Variants in SCN8A observed in about 807,000 individuals in gnomAD.
The protein encoded by SCN8A is sodium channel protein type 8 subunit alpha.
Under a neutral mutation model 184.1 loss-of-function variants are expected in SCN8A, and 30 were observed. The ratio of observed to expected loss-of-function variants is 0.16; its 90% CI spans 0.12 to 0.22. SCN8A has a LOEUF of 0.22. SCN8A is among the 10% of genes least tolerant of loss of function. The pLI is 1.00. For missense variants in SCN8A, 1,057 were observed against 2,498.9 expected (o/e 0.42, Z 12.30); for synonymous variants, 852 against 907.0 (o/e 0.94, Z 1.09).
At chr12:51,653,619 G>A (rs1476901164) in intron 1 of SCN8A, among the ~76,000 whole-genome samples, 1 of 152,144 alleles carries the variant, frequency 6.6e-6, no homozygotes, top group Non-Finnish European at 1.5e-5. Flanking sequence ...CCTTTTGGCA[G>A]TTGTGACTAA....
At position 51,721,108 on chromosome 12, in the gene SCN8A, ATATTTATTTATTGTTATATATAT is replaced by A. The variant is rs1156368649; in HGVS notation, c.1636-437_1636-415del. On this transcript the variant is annotated intron_variant, in intron 11 of 26. Coordinates refer to ENST00000627620, the MANE Select transcript of SCN8A (RefSeq NM_001330260.2). ...ATATATATATATATATATATATATA[ATATTTATTTATTGTTATATATAT>A]AATATTTATTTATTGTTATATATAT... Among the ~76,000 whole-genome samples the A allele has an allele frequency of 2.2e-3, 223 of 103,018 alleles. 1 individual carries two copies. The highest frequency in any genetic ancestry group is 5.7e-3 in the African/African-American group (125 of 21,902). The allele number at this position is 103,018 out of a possible 152,430, so 67.6% of individuals were successfully genotyped here.
Position 51,662,806 on chromosome 12 carries a change from C to G in SCN8A, c.-12C>G. On this transcript the variant is annotated 5_prime_UTR_variant, in exon 2 of 27. Coordinates refer to ENST00000627620, the MANE Select transcript of SCN8A (RefSeq NM_001330260.2). ...CGCAGCATAACTAACGAAGCTGCTG[C>G]AGGATGAGAAGATGGCAGCGCGGCT... 6.2e-7 allele frequency: 1 copy of G among 1,612,274 alleles called. No homozygotes were observed.
At chr12:51,752,809 T>C (rs1942616544) in intron 14 of SCN8A, among the ~76,000 whole-genome samples, 1 of 152,214 alleles carries the variant, frequency 6.6e-6, no homozygotes, top group South Asian at 2.1e-4. Context: ...TTTAACCCTG[T>C]CAACAATATC....
At chr12:51,623,797 A>G (rs1940016504) in intron 1 of SCN8A, among the ~76,000 whole-genome samples, 1 of 151,880 alleles carries the variant, frequency 6.6e-6, no homozygotes, top group Non-Finnish European at 1.5e-5. Flanking sequence ...CCGGTGTGTG[A>G]TGTTCCCCTT....
At chr12:51,739,742 C>T (rs1457555122) in intron 12 of SCN8A, among the ~76,000 whole-genome samples, 6 of 152,090 alleles carry the variant, frequency 3.9e-5, no homozygotes, top group African/African-American at 7.2e-5. Flanking sequence ...TGAGCCCCCA[C>T]GAATGGACGC....
chr12:51,755,875 C>T (rs1306671359), intron 14 of SCN8A, among the ~76,000 whole-genome samples: 1 of 152,128 alleles, frequency 6.6e-6, no homozygotes, highest in African/African-American at 2.4e-5. Flanking sequence ...CTTTGGTATA[C>T]TTATTTGATC....
At chr12:51,599,968 T>G (rs942813882) in intron 1 of SCN8A, among the ~76,000 whole-genome samples, 5 of 152,220 alleles carry the variant, frequency 3.3e-5, no homozygotes, top group African/African-American at 7.2e-5. Flanking sequence ...GAGTCTCCTA[T>G]TTTGAAAATC....
At chr12:51,641,549 G>A (rs1033712903) in intron 1 of SCN8A, among the ~76,000 whole-genome samples, 3 of 152,178 alleles carry the variant, frequency 2.0e-5, no homozygotes, top group South Asian at 4.1e-4. Context: ...TCATATGGTG[G>A]TCAGGAGATT....
intron 11 of SCN8A, among the ~76,000 whole-genome samples, chr12:51,713,908 A>C (rs1941923504): frequency 1.3e-5 from 2 of 151,836 alleles, no homozygotes; most frequent in South Asian, 4.1e-4. Flanking sequence ...TGATAAACCC[A>C]TTACATGATT....
chr12:51,770,458 A>C, intron 18 of SCN8A, 71 bp from the exon 19 acceptor site: 1 of 1,466,150 alleles, frequency 6.8e-7, no homozygotes, highest in Non-Finnish European at 9.1e-7. Context: ...AGGGCCTGGG[A>C]GATGGAGGAG....
intron 1 of SCN8A, among the ~76,000 whole-genome samples, chr12:51,613,803 T>C (rs1266387769): frequency 6.6e-6 from 1 of 152,168 alleles, no homozygotes; most frequent in East Asian, 1.9e-4. Context: ...CCTGAGACTT[T>C]CTCTTTGACC....
Position 51,811,531 on chromosome 12 carries a change from C to G in SCN8A, c.*4102C>G, listed in dbSNP as rs1173079444. ...TGTGCGATGCCCAACAGCCTCCACT[C>G]TGCAAGCTCATACTGGGCCCTGCCC... On this transcript the variant is annotated 3_prime_UTR_variant, in exon 27 of 27. Transcript: ENST00000627620. 1 of 152,404 alleles carries G rather than the reference C, an allele frequency of 6.6e-6. No homozygotes were observed. The allele number at this position is 152,404 out of a possible 1,614,324, so 9.4% of individuals were successfully genotyped here.
chr12:51,713,279 C>G, intron 11 of SCN8A: 1 of 1,151,450 alleles, frequency 8.7e-7, no homozygotes, highest in South Asian at 1.2e-5. Flanking sequence ...CTAGAAACAG[C>G]TCTCTTTGGT....
At chr12:51,749,022 C>T (rs1384861632) in intron 13 of SCN8A, among the ~76,000 whole-genome samples, 1 of 152,198 alleles carries the variant, frequency 6.6e-6, no homozygotes, top group Admixed American at 6.5e-5. Flanking sequence ...GTAAGAGAAA[C>T]CCCACAAACC....
intron 1 of SCN8A, among the ~76,000 whole-genome samples, chr12:51,604,964 T>C (rs1939554557): frequency 6.6e-6 from 1 of 152,186 alleles, no homozygotes; most frequent in Non-Finnish European, 1.5e-5. Flanking sequence ...GCATAGTACC[T>C]GATGGGTGTT....
chr12:51,722,209 A>C, intron 12 of SCN8A: 1 of 506,938 alleles, frequency 2.0e-6, no homozygotes. Flanking sequence ...CTCCCCTATC[A>C]ACTCCTTCCT....
In SCN8A at chr12:51,663,217, C is replaced by T. The variant is rs950663483; in HGVS notation, c.276+124C>T. 5.2e-6 allele frequency: 6 copies of T among 1,164,092 alleles called. No homozygotes were observed. The African/African-American group carries it at 9.2e-5, about 18-fold the overall frequency. 72.1% of individuals were successfully genotyped at this position (1,164,092 alleles called of 1,614,324 possible). A position where few individuals can be genotyped will look rare whatever the true frequency, so the allele number is the denominator to read the frequency against. On this transcript the variant is annotated intron_variant, in intron 2 of 26. Coordinates refer to ENST00000627620, the MANE Select transcript of SCN8A (RefSeq NM_001330260.2). ...AAGTAGTTAACCTTTTGTTTCAGTT[C>T]TGGCTTGTGGGGATTATTTTTCATT...
intron 1 of SCN8A, among the ~76,000 whole-genome samples, chr12:51,610,119 G>A (rs1939688039): frequency 7.6e-6 from 1 of 132,274 alleles, no homozygotes; most frequent in Non-Finnish European, 1.5e-5. Flanking sequence ...GCAGTGAGCC[G>A]AGATCACACC....
At chr12:51,640,063 T>G (rs1940413209) in intron 1 of SCN8A, among the ~76,000 whole-genome samples, 1 of 147,182 alleles carries the variant, frequency 6.8e-6, no homozygotes. Flanking sequence ...ACCACCACAC[T>G]CTGCTAATTT....
Sources: allele counts gnomAD v4.1 joint callset (sites outside exome capture counted in the v4.1 genomes callset), GRCh38; gene constraint gnomAD v4.1.1; transcripts MANE v1.5; gene names NCBI Gene and HGNC (gene_info 2026-07-23, HGNC 2026-07-21).